Variants in NEGR1 observed in about 807,000 individuals in gnomAD.
NEGR1 encodes IgLON family member 4.
In NEGR1, 10 loss-of-function variants were observed where a neutral mutation model predicts 40.9. That is an observed-to-expected ratio of 0.24 (90% CI 0.15 to 0.42). The LOEUF (loss-of-function observed/expected upper bound fraction) is 0.42, where lower values mean the gene tolerates loss of function less well. Among genes scored for constraint, NEGR1 ranks in the 10% least tolerant of loss-of-function variants. NEGR1 has a pLI of 1.00. For missense variants in NEGR1, 352 were observed against 438.9 expected, an observed-to-expected ratio of 0.80 and a Z score of 1.77; for synonymous variants, 185 against 166.8, an observed-to-expected ratio of 1.11 and a Z score of -0.84.
intron 1 of NEGR1, among the ~76,000 whole-genome samples, chr1:72,174,744 T>C (rs1652100819): frequency 6.6e-6 from 1 of 151,760 alleles, no homozygotes; most frequent in Non-Finnish European, 1.5e-5. Flanking sequence ...CAGGAAGTTA[T>C]TTCTTATAAA....
intron 1 of NEGR1, among the ~76,000 whole-genome samples, chr1:72,173,664 G>A (rs184872419): frequency 7.2e-5 from 11 of 152,088 alleles, no homozygotes; most frequent in East Asian, 5.8e-4. Flanking sequence ...TATGAAGACC[G>A]ACATGGTGGC....
intron 4 of NEGR1, among the ~76,000 whole-genome samples, chr1:71,693,248 T>C (rs760568707): frequency 6.6e-6 from 1 of 151,712 alleles, no homozygotes; most frequent in Non-Finnish European, 1.5e-5. Flanking sequence ...AGAAGTATAT[T>C]AGTCAAGACA....
At chr1:71,825,919 G>A (rs993844024) in intron 2 of NEGR1, among the ~76,000 whole-genome samples, 1 of 151,862 alleles carries the variant, frequency 6.6e-6, no homozygotes, top group African/African-American at 2.4e-5. Context: ...ATTCACTTCA[G>A]ATTGTCTCCC....
At chr1:71,995,604 C>G (rs887378346) in intron 1 of NEGR1, among the ~76,000 whole-genome samples, 2 of 152,126 alleles carry the variant, frequency 1.3e-5, no homozygotes, top group Non-Finnish European at 2.9e-5. Context: ...AGTATCACTA[C>G]AATAATTTAA....
intron 1 of NEGR1, among the ~76,000 whole-genome samples, chr1:72,130,406 C>G (rs1557541789): frequency 1.3e-5 from 2 of 152,172 alleles, no homozygotes; most frequent in Admixed American, 6.5e-5. Flanking sequence ...TAAGTAACAA[C>G]CCTTTCCTTC....
At chr1:72,137,914 A>T (rs2100328836) in intron 1 of NEGR1, among the ~76,000 whole-genome samples, 1 of 152,220 alleles carries the variant, frequency 6.6e-6, no homozygotes, top group South Asian at 2.1e-4. Context: ...AGATCTTTAA[A>T]ATACTGACAG....
At chr1:72,028,342 A>G (rs560702399) in intron 1 of NEGR1, among the ~76,000 whole-genome samples, 1 of 152,288 alleles carries the variant, frequency 6.6e-6, no homozygotes, top group South Asian at 2.1e-4. Flanking sequence ...TATGAATTAT[A>G]CTTATACTCT....
At chr1:71,904,043 C>T (rs1015391435) in intron 2 of NEGR1, among the ~76,000 whole-genome samples, 1 of 151,890 alleles carries the variant, frequency 6.6e-6, no homozygotes, top group Non-Finnish European at 1.5e-5. Context: ...TCCATGTAAT[C>T]ACTCTGTTAC....
intron 6 of NEGR1, chr1:71,570,974 A>T: frequency 6.6e-6 from 1 of 152,142 alleles, no homozygotes; most frequent in East Asian, 1.9e-4. Context: ...TAATTGCCAA[A>T]TTACTGATGT....
intron 5 of NEGR1, among the ~76,000 whole-genome samples, chr1:71,606,634 T>G (rs1195014780): frequency 2.0e-5 from 3 of 152,162 alleles, no homozygotes. Flanking sequence ...GCTCTTCAGG[T>G]GAAGTCCCTT....
intron 1 of NEGR1, among the ~76,000 whole-genome samples, chr1:72,159,819 T>C (rs936592548): frequency 2.6e-5 from 4 of 152,116 alleles, no homozygotes; most frequent in African/African-American, 9.7e-5. Context: ...AGAAGAACAC[T>C]TTAGGGTTCA....
At chr1:72,161,676 C>CTTTTTTTTTTTTT (rs779074685) in intron 1 of NEGR1, among the ~76,000 whole-genome samples, 65 of 84,548 alleles carry the variant, frequency 7.7e-4, no homozygotes, top group East Asian at 1.1e-3. Flanking sequence ...TTCTTTCTTT[C>CTTTTTTTTTTTTT]TTTTTTTTTT....
intron 5 of NEGR1, among the ~76,000 whole-genome samples, chr1:71,597,340 T>A (rs1281913542): frequency 6.6e-6 from 1 of 151,086 alleles, no homozygotes; most frequent in African/African-American, 2.4e-5. Context: ...ACTCTGAAGA[T>A]GACATGAAGA....
chr1:71,589,074 C>T (rs2101516202), intron 6 of NEGR1, among the ~76,000 whole-genome samples: 1 of 152,254 alleles, frequency 6.6e-6, no homozygotes, highest in South Asian at 2.1e-4. Flanking sequence ...CTGGCTTCTA[C>T]TCTCAGTTTT....
chr1:71,977,104 T>C (rs1412196227), intron 1 of NEGR1, among the ~76,000 whole-genome samples: 3 of 151,970 alleles, frequency 2.0e-5, no homozygotes, highest in Non-Finnish European at 4.4e-5. Context: ...GGGTGGACTG[T>C]CTGAGGTCAG....
intron 2 of NEGR1, among the ~76,000 whole-genome samples, chr1:71,785,277 C>T (rs1266753723): frequency 6.6e-6 from 1 of 152,144 alleles, no homozygotes; most frequent in East Asian, 1.9e-4. Flanking sequence ...TCAGTCTCTT[C>T]CTTAGTAGAA....
At chr1:71,778,368 C>T (rs893845714) in intron 2 of NEGR1, among the ~76,000 whole-genome samples, 25 of 152,034 alleles carry the variant, frequency 1.6e-4, no homozygotes, top group East Asian at 1.9e-4. Context: ...ATGAAATATT[C>T]GACATTTTAT....
chr1:72,123,557 T>A (rs1649888845), intron 1 of NEGR1, among the ~76,000 whole-genome samples: 1 of 151,688 alleles, frequency 6.6e-6, no homozygotes, highest in African/African-American at 2.4e-5. Flanking sequence ...TAATAAGTTT[T>A]CAAAAAGTTA....
chr1:71,842,779 G>A (rs1659286730), intron 2 of NEGR1, among the ~76,000 whole-genome samples: 1 of 152,076 alleles, frequency 6.6e-6, no homozygotes. Flanking sequence ...GCCTAACAAT[G>A]TTATCATTAA....
Sources: gnomAD v4.1 joint callset for allele counts (sites outside exome capture counted in the v4.1 genomes callset) on GRCh38, gnomAD v4.1.1 for gene constraint, MANE v1.5 for transcripts, NCBI Gene and HGNC (gene_info 2026-07-23, HGNC 2026-07-21) for gene names.